BMF: variants seen among roughly 807,000 people sequenced by gnomAD.
The protein encoded by BMF is Bcl2 modifying factor.
In BMF, 10 loss-of-function variants were observed where a neutral mutation model predicts 22.0. The ratio of observed to expected loss-of-function variants is 0.45; its 90% CI spans 0.28 to 0.77. The LOEUF (loss-of-function observed/expected upper bound fraction) is 0.77. BMF is among the 30% of genes least tolerant of loss of function. The pLI, the probability that BMF is intolerant of heterozygous loss-of-function variation, is 0.13. For missense variants in BMF, 206 were observed against 226.8 expected, an observed-to-expected ratio of 0.91 and a Z score of 0.59; for synonymous variants, 87 against 88.1, an observed-to-expected ratio of 0.99 and a Z score of 0.07.
Position 40,108,250 on chromosome 15 carries a change from A to ACACACACC in BMF, c.-6+8_-6+9insGGTGTGTG, listed in dbSNP as rs58924044. On this transcript the variant is annotated intron_variant, in intron 2 of 4. Transcript: ENST00000354670. ...CACACACACACACACACACACACAC[A>ACACACACC]CCCCAGACCTGGGTGACTCCAGGAG... is the stretch of plus-strand genomic sequence containing the variant. 1.9e-4 allele frequency: 29 copies of ACACACACC among 151,466 alleles called. No individual in the cohort carries two copies. The highest frequency in any genetic ancestry group is 8.4e-4 in the South Asian group (4 of 4,766). The allele number at this position is 151,466 out of a possible 1,614,324, so 9.4% of individuals were successfully genotyped here.
intron 4 of BMF, among the ~76,000 whole-genome samples, chr15:40,096,750 G>A (rs140394094): frequency 6.6e-6 from 1 of 152,280 alleles, no homozygotes; most frequent in East Asian, 1.9e-4. Context: ...CCACTGATCT[G>A]CTCCCCTAGT....
At position 40,091,632 on chromosome 15, in the gene BMF, A is replaced by G; in HGVS notation, c.*155T>C. ...CAGAGAAAGAAGGTCCCGCTTGAGT[A>G]TGTTGTATGTACACTCAGAGAGAAA... On this transcript the variant is annotated 3_prime_UTR_variant, in exon 5 of 5. Transcript: ENST00000354670. 1.6e-6 allele frequency: 1 copy of G among 606,642 alleles called. No individual in the cohort carries two copies. 37.6% of individuals were successfully genotyped at this position (606,642 alleles called of 1,614,324 possible). A position where few individuals can be genotyped will look rare whatever the true frequency, so the allele number is the denominator to read the frequency against.
chr15:40,106,045 C>A lies in BMF; in HGVS notation c.42G>T (p.Val14=). Residue 14 remains valine, a synonymous_variant, in exon 3 of 5, where the codon GTG becomes GTT. Coordinates refer to ENST00000354670, the MANE Select transcript of BMF (RefSeq NM_001003940.2). This position sits in a 1 kb window ranked among gnomAD's most constrained non-coding sequence, Gnocchi z 4.1. ...CCGGCTCCCCATCCTCTGGTTGGAA[C>A]ACATCATCCTCCAGCTCCTCCACAC... ...SQCVEELEDD[V]FQPEDGEPVT... The A allele has an allele frequency of 6.2e-7, 1 of 1,612,982 alleles. No homozygotes were observed. The highest frequency in any genetic ancestry group is 8.5e-7 in the Non-Finnish European group (1 of 1,179,720).
At position 40,106,269 on chromosome 15, in the gene BMF, A is replaced by C; in HGVS notation, c.-5-178T>G. On this transcript the variant is annotated intron_variant, in intron 2 of 4. Coordinates refer to ENST00000354670, the MANE Select transcript of BMF (RefSeq NM_001003940.2). This position sits in a 1 kb window ranked among gnomAD's most constrained non-coding sequence, Gnocchi z 4.1. ...GCTAAGGGTGACATTCACTCCCCAA[A>C]TGTGGACTGCCTGAATGTTCAGGGG... 1.5e-5 allele frequency: 10 copies of C among 663,684 alleles called. No homozygotes were observed. Among genetic ancestry groups the C allele is most frequent in the Non-Finnish European group, 1.9e-5 (8 of 420,840 alleles). 41.1% of individuals were successfully genotyped at this position (663,684 alleles called of 1,614,324 possible).
At chr15:40,096,716 C>T (rs1419702273) in intron 4 of BMF, among the ~76,000 whole-genome samples, 1 of 152,152 alleles carries the variant, frequency 6.6e-6, no homozygotes, top group African/African-American at 2.4e-5. Flanking sequence ...ATGAAAATAG[C>T]ATTACCTTTT....
intron 4 of BMF, among the ~76,000 whole-genome samples, chr15:40,101,838 G>A (rs2036481903): frequency 6.6e-6 from 1 of 152,118 alleles, no homozygotes; most frequent in African/African-American, 2.4e-5. Context: ...ACAAAACCCT[G>A]GCTCTTTGTA....
intron 2 of BMF, 40 bp downstream of exon 2, chr15:40,108,219 A>AACAC (rs140876953): frequency 0.048 from 6,935 of 145,052 alleles, 191 homozygotes; most frequent in South Asian, 0.09. Context: ...AGTGACTAGG[A>AACAC]ACACACACAC....
In BMF at chr15:40,104,356, A is replaced by ATCCACATC; in HGVS notation, c.293-24_293-17dup. 1 of 1,613,538 alleles carries ATCCACATC rather than the reference A, an allele frequency of 6.2e-7. No individual in the cohort carries two copies. Among genetic ancestry groups the ATCCACATC allele is most frequent in the Non-Finnish European group, 8.5e-7 (1 of 1,179,730 alleles). On this transcript the variant is annotated splice_polypyrimidine_tract_variant and intron_variant, in intron 3 of 4. Coordinates refer to ENST00000354670, the MANE Select transcript of BMF (RefSeq NM_001003940.2). The stretch of plus-strand genomic sequence containing the variant: ...CCAGCATTGCCTGCAAAGATAGAGG[A>ATCCACATC]TCCACATCTCAGCATTCTCCACAAC...
chr15:40,104,436 A>C lies in BMF; in HGVS notation c.293-96T>G, dbSNP rs1277931422. The C allele has an allele frequency of 2.0e-6, 3 of 1,486,060 alleles. No homozygotes were observed. The African/African-American group carries it at 4.1e-5, about 21-fold the overall frequency. The allele number at this position is 1,486,060 out of a possible 1,614,324, so 92.1% of individuals were successfully genotyped here. On this transcript the variant is annotated intron_variant, in intron 3 of 4. Coordinates refer to ENST00000354670, the MANE Select transcript of BMF (RefSeq NM_001003940.2). ...TGGCCAAGATTGGAGGCTGAGGGTA[A>C]ATCCTCATATGAGAAAGGATAGGAG...
At chr15:40,095,586 A>G (rs1042986334) in intron 4 of BMF, among the ~76,000 whole-genome samples, 5 of 152,192 alleles carry the variant, frequency 3.3e-5, no homozygotes, top group African/African-American at 1.2e-4. Context: ...TCCTAGACTC[A>G]GCTAGGGAAC....
In BMF at chr15:40,108,248, A is replaced by ACACACACACACC. The variant is rs1172494971; in HGVS notation, c.-6+10_-6+11insGGTGTGTGTGTG. 2.5e-4 allele frequency: 38 copies of ACACACACACACC among 153,570 alleles called. No individual in the cohort carries two copies. Among genetic ancestry groups the ACACACACACACC allele is most frequent in the African/African-American group, 9.3e-4 (38 of 40,840 alleles). 9.5% of individuals were successfully genotyped at this position (153,570 alleles called of 1,614,324 possible). A position where few individuals can be genotyped will look rare whatever the true frequency, so the allele number is the denominator to read the frequency against. On this transcript the variant is annotated intron_variant, in intron 2 of 4. Transcript: ENST00000354670. The stretch of plus-strand genomic sequence containing the variant: ...CACACACACACACACACACACACAC[A>ACACACACACACC]CACCCCAGACCTGGGTGACTCCAGG...
intron 4 of BMF, among the ~76,000 whole-genome samples, chr15:40,093,702 G>A (rs1292985757): frequency 6.6e-6 from 1 of 152,184 alleles, no homozygotes; most frequent in East Asian, 1.9e-4. Context: ...TTCTCCTGAG[G>A]TGCTTGTCTG....
rs192738619 is a variant in BMF at position 40,094,963 on chromosome 15, C to T, written c.454-3075G>A. Among the ~76,000 whole-genome samples, 5 of 152,330 alleles carry T rather than the reference C, an allele frequency of 3.3e-5. No individual in the cohort carries two copies. In the East Asian group the frequency reaches 9.6e-4, roughly 29 times the overall value. ...GGCCAAGCCAGAGGTCAATCCTGCCCAGGTGGTTCTGTGGCAGCCAGGCCA... is the reference window on the plus strand; with the variant it reads ...GGCCAAGCCAGAGGTCAATCCTGCCTAGGTGGTTCTGTGGCAGCCAGGCCA... On this transcript the variant is annotated intron_variant, in intron 4 of 4. Coordinates refer to ENST00000354670, the MANE Select transcript of BMF (RefSeq NM_001003940.2).
In BMF at chr15:40,105,903, G is replaced by T; in HGVS notation, c.184C>A (p.Pro62Thr). ...GTAGCTTTGTCTTCCTGGCTGGTGG[G>T]TCGAAGGCCAGGGCCACAGCAGTGG... ...LTHCCGPGLRPTSQEDKATQT... is the reference protein window; with the variant it reads ...LTHCCGPGLRTTSQEDKATQT... The change falls in exon 3 of 5, where the codon CCC (proline) becomes ACC (threonine). Residue 62 changes from proline (P) to threonine (T), a missense_variant. By Grantham distance (38) the Pro-to-Thr change is conservative. Coordinates refer to ENST00000354670, the MANE Select transcript of BMF (RefSeq NM_001003940.2). 1 of 1,614,158 alleles carries T rather than the reference G, an allele frequency of 6.2e-7. No individual in the cohort carries two copies.
Position 40,091,555 on chromosome 15 carries a change from C to A in BMF, c.*232G>T, listed in dbSNP as rs1448486787. On this transcript the variant is annotated 3_prime_UTR_variant, in exon 5 of 5. Coordinates refer to ENST00000354670, the MANE Select transcript of BMF (RefSeq NM_001003940.2). ...TTCTCACCATCACAGACACATCAGCCTCTCCTTCAACAGTGTTTGACAAAG... is the reference window on the plus strand; with the variant it reads ...TTCTCACCATCACAGACACATCAGCATCTCCTTCAACAGTGTTTGACAAAG... 4.2e-6 allele frequency: 2 copies of A among 473,808 alleles called. No individual in the cohort carries two copies. Among genetic ancestry groups the A allele is most frequent in the African/African-American group, 1.9e-5 (1 of 51,786 alleles). The allele number at this position is 473,808 out of a possible 1,614,324, so 29.4% of individuals were successfully genotyped here. A position where few individuals can be genotyped will look rare whatever the true frequency, so the allele number is the denominator to read the frequency against.
At chr15:40,105,764 T>A in intron 3 of BMF, 31 bp downstream of exon 3, 4 of 1,561,660 alleles carry the variant, frequency 2.6e-6, no homozygotes, top group South Asian at 1.2e-5. Context: ...CCAGTCTCTA[T>A]GGGAGGAGTC....
chr15:40,102,235 C>T (rs2036491217), intron 4 of BMF, among the ~76,000 whole-genome samples: 3 of 151,974 alleles, frequency 2.0e-5, no homozygotes, highest in Admixed American at 2.0e-4. Flanking sequence ...TCGAGACCAG[C>T]CTGGCTGACA....
At chr15:40,094,458 A>G (rs2036313587) in intron 4 of BMF, among the ~76,000 whole-genome samples, 1 of 152,116 alleles carries the variant, frequency 6.6e-6, no homozygotes, top group East Asian at 1.9e-4. Context: ...ATTGGTAAGG[A>G]AGGCTCTATG....
At chr15:40,097,371 A>G (rs887573032) in intron 4 of BMF, among the ~76,000 whole-genome samples, 2 of 152,256 alleles carry the variant, frequency 1.3e-5, no homozygotes, top group Non-Finnish European at 2.9e-5. Context: ...AGATGATTAA[A>G]ATATTATAAA....
Sources: gnomAD v4.1 joint callset for allele counts (sites outside exome capture counted in the v4.1 genomes callset) on GRCh38, gnomAD v4.1.1 for gene constraint, Gnocchi (gnomAD v3.1) non-coding constraint, MANE v1.5 for transcripts, NCBI Gene and HGNC (gene_info 2026-07-23, HGNC 2026-07-21) for gene names.